ZSWIM4: variants seen among roughly 807,000 people sequenced by gnomAD.
The protein encoded by ZSWIM4 is zinc finger SWIM-type containing 4.
A neutral mutation model predicts 102.5 loss-of-function variants in ZSWIM4; 62 were observed. The ratio of observed to expected loss-of-function variants is 0.60; its 90% CI spans 0.49 to 0.75. The LOEUF is 0.75. Among genes scored for constraint, ZSWIM4 ranks in the 30% least tolerant of loss-of-function variants. ZSWIM4 has a pLI of 0.00. For missense variants in ZSWIM4, 1,280 were observed against 1,529.6 expected, an observed-to-expected ratio of 0.84 and a Z score of 2.72; for synonymous variants, 652 against 674.5, an observed-to-expected ratio of 0.97 and a Z score of 0.52.
chr19:13,817,497 C>A, intron 8 of ZSWIM4, 144 bp downstream of exon 8: 1 of 1,201,564 alleles, frequency 8.3e-7, no homozygotes, highest in Non-Finnish European at 1.2e-6. Context: ...CTGGCCAGTG[C>A]CCAGAGCCAA....
intron 10 of ZSWIM4, among the ~76,000 whole-genome samples, chr19:13,822,580 T>C (rs113152742): frequency 0.01 from 1,588 of 152,284 alleles, 25 homozygotes; most frequent in African/African-American, 0.037. Flanking sequence ...TGGTGGCTCA[T>C]GTCTGTAATC....
chr19:13,797,778 G>C (rs1974650919), intron 1 of ZSWIM4, among the ~76,000 whole-genome samples: 1 of 152,128 alleles, frequency 6.6e-6, no homozygotes, highest in East Asian at 1.9e-4. Context: ...TCAGCCTCCT[G>C]AGTAGCTGGG....
At chr19:13,815,021 A>C in intron 7 of ZSWIM4, 156 bp downstream of exon 7, 1 of 344,876 alleles carries the variant, frequency 2.9e-6, no homozygotes, top group Non-Finnish European at 5.0e-6. Flanking sequence ...AATTAGCTGG[A>C]TGTGGTGGCT....
intron 2 of ZSWIM4, among the ~76,000 whole-genome samples, chr19:13,803,041 CAA>C (rs34160798): frequency 0.47 from 71,560 of 152,034 alleles, 19,832 homozygotes; most frequent in African/African-American, 0.79. Context: ...AGCCAGAAAA[CAA>C]AAGTGAGGCC....
chr19:13,800,367 G>A (rs182818993), intron 2 of ZSWIM4, among the ~76,000 whole-genome samples: 2 of 135,144 alleles, frequency 1.5e-5, no homozygotes, highest in Non-Finnish European at 3.1e-5. Context: ...CCGGGTTCAC[G>A]CCATTCTCCT....
intron 2 of ZSWIM4, 144 bp downstream of exon 2, chr19:13,800,065 ATTTT>A (rs71170569): frequency 1.4e-3 from 531 of 383,640 alleles, no homozygotes; most frequent in Middle Eastern, 2.8e-3. Context: ...ATTGTACAAG[ATTTT>A]TTTTTTTTTT....
chr19:13,814,203 T>C (rs1975196955), intron 6 of ZSWIM4, among the ~76,000 whole-genome samples: 1 of 151,680 alleles, frequency 6.6e-6, no homozygotes, highest in African/African-American at 2.4e-5. Context: ...ATTACAGGTG[T>C]GCACCACCAC....
At chr19:13,802,613 C>G (rs1488828911) in intron 2 of ZSWIM4, among the ~76,000 whole-genome samples, 5 of 151,840 alleles carry the variant, frequency 3.3e-5, no homozygotes, top group Admixed American at 3.3e-4. Flanking sequence ...GGGTCTCACT[C>G]TGTTGCCCAG....
Position 13,830,790 on chromosome 19 carries a change from C to A in ZSWIM4, c.3061C>A (p.Pro1021Thr). Residue 1021 changes from proline to threonine, a missense_variant, in exon 14 of 14, where the codon CCA (proline) becomes ACA (threonine). Coordinates refer to ENST00000590508, the MANE Select transcript of ZSWIM4 (RefSeq NM_001367834.3). ...GPLGARRAAK[P>T]LGADRAPLCQ... The stretch of plus-strand genomic sequence containing the variant: ...CTTAGGGGCACGCCGGGCCGCCAAG[C>A]CACTGGGTGCCGACCGGGCGCCGCT... 6.2e-7 allele frequency: 1 copy of A among 1,605,488 alleles called. No individual in the cohort carries two copies. The highest frequency in any genetic ancestry group is 8.5e-7 in the Non-Finnish European group (1 of 1,175,824).
At chr19:13,799,958 G>A (rs776371258) in intron 2 of ZSWIM4, 37 bp downstream of exon 2, 1 of 1,585,674 alleles carries the variant, frequency 6.3e-7, no homozygotes, top group South Asian at 1.1e-5. Flanking sequence ...GGGGAGGCCA[G>A]GAGGTCCATA....
chr19:13,796,777 C>G (rs920040335), intron 1 of ZSWIM4: 13 of 152,274 alleles, frequency 8.5e-5, no homozygotes, highest in Non-Finnish European at 1.9e-4. Context: ...CCCCAAGGAA[C>G]TGGAGACATG....
rs1974706772 is a variant in ZSWIM4 at position 13,799,774 on chromosome 19, T to C, written c.208T>C (p.Trp70Arg). Reference sequence around the variant, plus strand: ...GCCCGTCCAGAAGCGCATCGTGTTTTGGTCGTTTCCACGCAGTGAACGGGA... The same window carrying C: ...GCCCGTCCAGAAGCGCATCGTGTTTCGGTCGTTTCCACGCAGTGAACGGGA... ...PEPVQKRIVFWSFPRSEREIC... is the reference protein window; with the variant it reads ...PEPVQKRIVFRSFPRSEREIC... The change falls in exon 2 of 14, where the codon TGG becomes CGG. Residue 70 changes from tryptophan (W) to arginine (R), a missense_variant. By Grantham distance (101) the Trp-to-Arg change is moderately radical (BLOSUM62 -3). Transcript: ENST00000590508. 1 of 1,614,050 alleles carries C rather than the reference T, an allele frequency of 6.2e-7. No individual in the cohort carries two copies.
chr19:13,820,909 CAA>C (rs34029534), intron 10 of ZSWIM4, among the ~76,000 whole-genome samples: 16 of 102,458 alleles, frequency 1.6e-4, no homozygotes, highest in Admixed American at 1.1e-4. Context: ...ACGCAATTTC[CAA>C]AAAAAAAAAA....
Position 13,804,824 on chromosome 19 carries a change from G to C in ZSWIM4, c.388G>C (p.Gly130Arg), listed in dbSNP as rs1480888371. The C allele has an allele frequency of 6.3e-7, 1 of 1,599,184 alleles. No homozygotes were observed. Among genetic ancestry groups the C allele is most frequent in the Non-Finnish European group, 8.6e-7 (1 of 1,169,532 alleles). ...FHLSGNIREPGSPGEPERLYH... is the reference protein window; with the variant it reads ...FHLSGNIREPRSPGEPERLYH... ...CCTGAGCGGAAACATCCGCGAGCCAGGGAGTCCTGGAGAGCCCGAGCGCCT... is the reference window on the plus strand; with the variant it reads ...CCTGAGCGGAAACATCCGCGAGCCACGGAGTCCTGGAGAGCCCGAGCGCCT... Residue 130 changes from glycine (G) to arginine (R), a missense_variant, in exon 3 of 14, where the codon GGG (glycine) becomes CGG (arginine). Transcript: ENST00000590508.
chr19:13,826,038 G>A (rs75260472), intron 12 of ZSWIM4, among the ~76,000 whole-genome samples: 16,446 of 152,176 alleles, frequency 0.11, 1,080 homozygotes, highest in African/African-American at 0.18. Flanking sequence ...CACCTCTGCA[G>A]GTGGGGCCTG....
chr19:13,809,110 G>A lies in ZSWIM4; in HGVS notation c.902G>A (p.Arg301His), dbSNP rs764116230. 2.5e-6 allele frequency: 4 copies of A among 1,613,766 alleles called. No homozygotes were observed. The highest frequency in any genetic ancestry group is 2.2e-5 in the East Asian group (1 of 44,880). Reference sequence around the variant, plus strand: ...CGAATGCGGGACTCCAACGGGGCGCGCATGCTGATTCTCATGACCGAGCAG... The same window carrying A: ...CGAATGCGGGACTCCAACGGGGCGCACATGCTGATTCTCATGACCGAGCAG... ...MLRMRDSNGARMLILMTEQFL... is the reference protein window; with the variant it reads ...MLRMRDSNGAHMLILMTEQFL... Residue 301 changes from arginine to histidine, a missense_variant, in exon 5 of 14, where the codon CGC (arginine) becomes CAC (histidine). Arg to His is a conservative substitution (Grantham distance 29, BLOSUM62 0). Coordinates refer to ENST00000590508, the MANE Select transcript of ZSWIM4 (RefSeq NM_001367834.3). The surrounding 1 kb of genome is among the most constrained non-coding windows in gnomAD (Gnocchi z 4.2).
In ZSWIM4 at chr19:13,819,451, T is replaced by A. The variant is rs778482002; in HGVS notation, c.2019T>A (p.His673Gln). The A allele has an allele frequency of 6.2e-7, 1 of 1,609,580 alleles. No homozygotes were observed. Among genetic ancestry groups the A allele is most frequent in the Admixed American group, 1.7e-5 (1 of 59,354 alleles). ...ARYLFTALLPHDPDLAYRLAL... is the reference protein window; with the variant it reads ...ARYLFTALLPQDPDLAYRLAL... ...ACCTGTTCACCGCACTGCTGCCTCA[T>A]GACCCGGACCTGGCCTATCGCCTCG... Residue 673 changes from histidine (H) to glutamine (Q), a missense_variant, in exon 10 of 14, where the codon CAT (histidine) becomes CAA (glutamine). Transcript: ENST00000590508.
At position 13,825,481 on chromosome 19, in the gene ZSWIM4, G is replaced by A; in HGVS notation, c.2216-69G>A. On this transcript the variant is annotated intron_variant, in intron 11 of 13. Transcript: ENST00000590508. The surrounding 1 kb of genome is among the most constrained non-coding windows in gnomAD (Gnocchi z 4.6). ...TGGGTGGAAGGATCTGTGTGAACAGGTCGGGTGGTGGTCAGAGGCTGGTGC... is the reference window on the plus strand; with the variant it reads ...TGGGTGGAAGGATCTGTGTGAACAGATCGGGTGGTGGTCAGAGGCTGGTGC... 5 of 1,558,528 alleles carry A rather than the reference G, an allele frequency of 3.2e-6. No individual in the cohort carries two copies. Among genetic ancestry groups the A allele is most frequent in the Non-Finnish European group, 3.5e-6 (4 of 1,141,290 alleles).
intron 6 of ZSWIM4, among the ~76,000 whole-genome samples, chr19:13,813,936 G>A (rs1286504043): frequency 4.2e-4 from 60 of 143,338 alleles, no homozygotes; most frequent in Admixed American, 4.2e-4. Context: ...AAAAAAAAAA[G>A]AAAGAAAGAA....
Sources: gnomAD v4.1 joint callset for allele counts (sites outside exome capture counted in the v4.1 genomes callset) on GRCh38, gnomAD v4.1.1 for gene constraint, Gnocchi (gnomAD v3.1) non-coding constraint, MANE v1.5 for transcripts, NCBI Gene and HGNC (gene_info 2026-07-23, HGNC 2026-07-21) for gene names.